The following GABRA3 variants were observed in gnomAD, a reference collection of about 807,000 sequenced individuals.
GABRA3 encodes the protein gamma-aminobutyric acid receptor subunit alpha-3.
A neutral mutation model predicts 30.1 loss-of-function variants in GABRA3; 10 were observed. The observed-to-expected ratio is 0.33, with a 90% CI of 0.20 to 0.56. GABRA3 has a LOEUF of 0.56. Ranked by LOEUF, GABRA3 falls within the 20% of genes least tolerant of loss-of-function variation. The pLI is 0.89. For missense variants in GABRA3, 233 were observed against 392.0 expected, an observed-to-expected ratio of 0.59 and a Z score of 3.42; for synonymous variants, 151 against 146.8, an observed-to-expected ratio of 1.03 and a Z score of -0.21.
At chrX:152,419,645 G>A (rs367868723) in intron 1 of GABRA3, among the ~76,000 whole-genome samples, 1 of 111,460 alleles carries the variant, frequency 9.0e-6, no homozygotes, top group African/African-American at 3.3e-5. Flanking sequence ...GAAAACTTGA[G>A]TCCCAGATGG....
At chrX:152,265,239 T>C (rs1241072979) in intron 4 of GABRA3, among the ~76,000 whole-genome samples, 1 of 111,631 alleles carries the variant, frequency 9.0e-6, no homozygotes, top group African/African-American at 3.2e-5. Context: ...ATAGACCCTA[T>C]GTTAGGCTGC....
At chrX:152,193,679 C>G (rs921320885) in intron 8 of GABRA3, among the ~76,000 whole-genome samples, 2 of 112,509 alleles carry the variant, frequency 1.8e-5, no homozygotes, top group Non-Finnish European at 3.8e-5. Context: ...CAGCATGCAT[C>G]CTTGACTTAA....
chrX:152,371,334 G>A (rs182371078), intron 1 of GABRA3, among the ~76,000 whole-genome samples: 26 of 111,171 alleles, frequency 2.3e-4, no homozygotes, highest in African/African-American at 8.5e-4. Flanking sequence ...AAGACCATGC[G>A]CTCTCCTTCC....
chrX:152,300,179 C>T (rs1241369393), intron 3 of GABRA3, among the ~76,000 whole-genome samples: 1 of 112,319 alleles, frequency 8.9e-6, no homozygotes, highest in Non-Finnish European at 1.9e-5. Flanking sequence ...CTGAGTAGTA[C>T]AAGTATGGTA....
At chrX:152,190,283 T>G (rs779671944) in intron 8 of GABRA3, among the ~76,000 whole-genome samples, 1 of 109,879 alleles carries the variant, frequency 9.1e-6, no homozygotes, top group Non-Finnish European at 1.9e-5. Flanking sequence ...GCTCACGAAC[T>G]GAAATCTGGC....
intron 9 of GABRA3, among the ~76,000 whole-genome samples, chrX:152,174,176 A>C (rs1395484290): frequency 2.7e-5 from 3 of 110,684 alleles, no homozygotes; most frequent in African/African-American, 6.6e-5. Context: ...ACATTTTCTT[A>C]ATCCAGTCTA....
In GABRA3 at chrX:152,166,620, A is replaced by G. The variant is rs1936940064; in HGVS notation, c.*1608T>C. On this transcript the variant is annotated 3_prime_UTR_variant, in exon 10 of 10. Coordinates refer to ENST00000370314, the MANE Select transcript of GABRA3 (RefSeq NM_000808.4). ...TGTGGCTTTACCCTGGGCTTCTAGG[A>G]TACTCTGGACTAGTGCAGGTATTCA... is the stretch of plus-strand genomic sequence containing the variant. 9.0e-6 allele frequency: 1 copy of G among 111,022 alleles called. No homozygotes were observed. 9.1% of individuals were successfully genotyped at this position (111,022 alleles called of 1,213,427 possible).
rs1310455227 is a variant in GABRA3 at position 152,179,442 on chromosome X, C to A, written c.1143+10288G>T. 7.2e-5 allele frequency among the ~76,000 whole-genome samples: 8 copies of A among 110,402 alleles called. No homozygotes were observed. In the East Asian group the frequency reaches 1.1e-3, roughly 16 times the overall value. On this transcript the variant is annotated intron_variant, in intron 9 of 9. Coordinates refer to ENST00000370314, the MANE Select transcript of GABRA3 (RefSeq NM_000808.4). ...TGTATTCTTTGACCAACAACTACCC[C>A]CAACTCCCAGTCCCCAGTAACCACC...
At chrX:152,190,465 TC>T (rs759692862) in intron 8 of GABRA3, among the ~76,000 whole-genome samples, 1 of 111,364 alleles carries the variant, frequency 9.0e-6, no homozygotes, top group South Asian at 3.8e-4. Flanking sequence ...CAAGTTCACC[TC>T]ATGAACTCCT....
intron 1 of GABRA3, among the ~76,000 whole-genome samples, chrX:152,431,346 A>T (rs1483436322): frequency 8.9e-6 from 1 of 112,432 alleles, no homozygotes; most frequent in Non-Finnish European, 1.9e-5. Context: ...AACTAATAAA[A>T]TATCTTTTAT....
chrX:152,384,377 T>A (rs780062124), intron 1 of GABRA3, among the ~76,000 whole-genome samples: 1 of 111,540 alleles, frequency 9.0e-6, no homozygotes, highest in Admixed American at 9.5e-5. Context: ...AAAGACTATT[T>A]AAAAAAAATT....
chrX:152,221,264 G>A (rs1238971836), intron 6 of GABRA3, among the ~76,000 whole-genome samples: 4 of 111,105 alleles, frequency 3.6e-5, no homozygotes, highest in Non-Finnish European at 5.7e-5. Flanking sequence ...ATTTAGATGT[G>A]GAAACCATCT....
intron 9 of GABRA3, among the ~76,000 whole-genome samples, chrX:152,182,525 C>T (rs755760306): frequency 1.2e-5 from 1 of 80,428 alleles, no homozygotes; most frequent in East Asian, 4.0e-4. Context: ...AGTATACACA[C>T]TATATATGCA....
At chrX:152,367,562 A>C (rs893021285) in intron 1 of GABRA3, among the ~76,000 whole-genome samples, 3 of 111,731 alleles carry the variant, frequency 2.7e-5, no homozygotes, top group African/African-American at 9.8e-5. Context: ...TCCAGATATT[A>C]CCTCGAATCC....
At chrX:152,424,773 CT>C (rs1930469701) in intron 1 of GABRA3, among the ~76,000 whole-genome samples, 1 of 109,645 alleles carries the variant, frequency 9.1e-6, no homozygotes. Context: ...TAAATGTTTT[CT>C]TTGTTTTTAC....
chrX:152,407,452 T>A (rs758546383), intron 1 of GABRA3, among the ~76,000 whole-genome samples: 1 of 111,887 alleles, frequency 8.9e-6, no homozygotes, highest in South Asian at 3.7e-4. Flanking sequence ...TGTGCAACTA[T>A]ATGCCAATAA....
At chrX:152,385,401 A>G (rs1425612876) in intron 1 of GABRA3, among the ~76,000 whole-genome samples, 1 of 112,219 alleles carries the variant, frequency 8.9e-6, no homozygotes. Context: ...TGCTGTATTC[A>G]TACAAAGGAA....
intron 1 of GABRA3, among the ~76,000 whole-genome samples, chrX:152,414,996 T>A (rs1197329052): frequency 9.0e-6 from 1 of 110,576 alleles, no homozygotes; most frequent in Middle Eastern, 4.2e-3. Context: ...AGATTAGTGG[T>A]TGCCAAGGGC....
intron 9 of GABRA3, among the ~76,000 whole-genome samples, chrX:152,178,307 T>TGCTAGGCCA (rs757556204): frequency 2.0e-4 from 22 of 110,725 alleles, no homozygotes; most frequent in Admixed American, 1.2e-3. Context: ...CTATGATTAC[T>TGCTAGGCCA]GCTAGGCCAC....
Sources: gnomAD v4.1 joint callset for allele counts (sites outside exome capture counted in the v4.1 genomes callset) on GRCh38, gnomAD v4.1.1 for gene constraint, MANE v1.5 for transcripts, NCBI Gene and HGNC (gene_info 2026-07-23, HGNC 2026-07-21) for gene names.